Variants in TNFSF4 observed in about 807,000 individuals in gnomAD.
The protein encoded by TNFSF4 is tumor necrosis factor ligand superfamily member 4.
A neutral mutation model predicts 7.3 loss-of-function variants in TNFSF4; 4 were observed. That is an observed-to-expected ratio of 0.55 (90% CI 0.27 to 1.25). TNFSF4 has a LOEUF of 1.25. Among genes scored for constraint, TNFSF4 ranks in the 50% most tolerant of loss-of-function variants. TNFSF4 has a pLI of 0.12. For synonymous variants in TNFSF4, 76 were observed against 83.7 expected, an observed-to-expected ratio of 0.91 and a Z score of 0.50; for missense variants, 181 against 208.8, an observed-to-expected ratio of 0.87 and a Z score of 0.82.
At chr1:173,353,471 A>T in the TNFSF4 span, among the ~76,000 whole-genome samples, 1 of 152,182 alleles carries the variant, frequency 6.6e-6, no homozygotes, top group African/African-American at 2.4e-5. Context: ...GTGCGTGTGC[A>T]TGTGTGTATG....
chr1:173,253,145 C>T, the TNFSF4 span, among the ~76,000 whole-genome samples: 1 of 152,190 alleles, frequency 6.6e-6, no homozygotes, highest in South Asian at 2.1e-4. Flanking sequence ...TTTAGACCTT[C>T]TCTCATAGGC....
At chr1:173,346,002 G>A in the TNFSF4 span, among the ~76,000 whole-genome samples, 3 of 152,172 alleles carry the variant, frequency 2.0e-5, no homozygotes, top group African/African-American at 7.2e-5. Flanking sequence ...TTTGGGTAGG[G>A]AGGATTTAAC....
chr1:173,189,277 G>C (rs1649371694), intron 1 of TNFSF4, among the ~76,000 whole-genome samples: 1 of 152,186 alleles, frequency 6.6e-6, no homozygotes, highest in African/African-American at 2.4e-5. Context: ...CATGGAGAAT[G>C]CTGGTTCAAT....
chr1:173,257,222 C>T, the TNFSF4 span, among the ~76,000 whole-genome samples: 153 of 152,322 alleles, frequency 1.0e-3, no homozygotes, highest in African/African-American at 2.9e-3. Flanking sequence ...TTGTATGATG[C>T]GGATTCTGAT....
At chr1:173,362,548 A>G in the TNFSF4 span, 1 of 539,270 alleles carries the variant, frequency 1.9e-6, no homozygotes, top group South Asian at 1.4e-5. Flanking sequence ...CCTTCCCACT[A>G]ATGCCTCCGA....
At chr1:173,346,834 G>T in the TNFSF4 span, among the ~76,000 whole-genome samples, 1 of 152,252 alleles carries the variant, frequency 6.6e-6, no homozygotes, top group East Asian at 1.9e-4. Context: ...ACCAGAATGT[G>T]TTGTGCATCA....
chr1:173,245,110 C>T, the TNFSF4 span, among the ~76,000 whole-genome samples: 1 of 151,676 alleles, frequency 6.6e-6, no homozygotes, highest in Non-Finnish European at 1.5e-5. Flanking sequence ...AGGGTACCAC[C>T]ACACCTTCAA....
the TNFSF4 span, among the ~76,000 whole-genome samples, chr1:173,261,129 G>C: frequency 1.3e-5 from 2 of 152,066 alleles, no homozygotes; most frequent in African/African-American, 4.8e-5. Context: ...CTGAAATTAT[G>C]ACAAATAGTC....
the TNFSF4 span, among the ~76,000 whole-genome samples, chr1:173,419,126 T>G: frequency 1.3e-5 from 2 of 151,988 alleles, no homozygotes; most frequent in South Asian, 4.2e-4. Flanking sequence ...GATCACGAGG[T>G]CAGGAGATCG....
At chr1:173,198,264 CTAA>C (rs1445584441) in intron 1 of TNFSF4, among the ~76,000 whole-genome samples, 6 of 152,310 alleles carry the variant, frequency 3.9e-5, no homozygotes, top group Admixed American at 3.9e-4. Flanking sequence ...TCCTCAGCTT[CTAA>C]TATTCTCATT....
At chr1:173,361,238 T>A in the TNFSF4 span, among the ~76,000 whole-genome samples, 96,701 of 152,016 alleles carry the variant, frequency 0.64, 30,898 homozygotes, top group Admixed American at 0.69. Flanking sequence ...ATCTACAAAT[T>A]TGGACCAGAG....
In TNFSF4 at chr1:173,188,551, G is replaced by A; in HGVS notation, c.172C>T (p.Arg58Ter). The change falls in exon 2 of 3, where the codon CGA becomes TGA. Residue 58 changes from arginine to a stop codon, truncating the protein, a stop_gained. Coordinates refer to ENST00000281834, the MANE Select transcript of TNFSF4 (RefSeq NM_003326.5). LOFTEE classifies it low-confidence loss of function (END_TRUNC). ...SALQVSHRYP[R>*]IQSIKVQFTE... is the part of the protein sequence containing the mutation. ...AATTGTACTTTGATACTTTGAATTC[G>A]AGGATACCGATGTGATACCTGAGGG... The A allele has an allele frequency of 1.2e-6, 2 of 1,612,270 alleles. No homozygotes were observed. The highest frequency in any genetic ancestry group is 1.7e-6 in the Non-Finnish European group (2 of 1,178,552).
chr1:173,188,808 G>A (rs1649347014), intron 1 of TNFSF4, among the ~76,000 whole-genome samples: 1 of 152,020 alleles, frequency 6.6e-6, no homozygotes, highest in East Asian at 1.9e-4. Flanking sequence ...CGCCTCCCTG[G>A]GCTCAGTGAT....
chr1:173,228,546 C>T, the TNFSF4 span, among the ~76,000 whole-genome samples: 13 of 152,262 alleles, frequency 8.5e-5, no homozygotes, highest in African/African-American at 3.1e-4. Flanking sequence ...AGGAACACAG[C>T]TCCTCGCCAG....
the TNFSF4 span, among the ~76,000 whole-genome samples, chr1:173,444,293 C>T: frequency 3.9e-5 from 6 of 152,108 alleles, no homozygotes; most frequent in African/African-American, 4.8e-5. Context: ...CACACACACA[C>T]GTATCTGTAC....
the TNFSF4 span, among the ~76,000 whole-genome samples, chr1:173,396,909 T>C: frequency 6.6e-6 from 1 of 152,322 alleles, no homozygotes; most frequent in Middle Eastern, 3.4e-3. Flanking sequence ...CTCTTCTCTG[T>C]AGGCCACACC....
chr1:173,217,737 T>A, the TNFSF4 span, among the ~76,000 whole-genome samples: 1 of 152,198 alleles, frequency 6.6e-6, no homozygotes, highest in African/African-American at 2.4e-5. Context: ...TTTCTTTCAA[T>A]TTTTTTGATA....
chr1:173,440,381 T>G, the TNFSF4 span: 1 of 152,210 alleles, frequency 6.6e-6, no homozygotes, highest in Admixed American at 6.5e-5. Flanking sequence ...CCAGATTGTT[T>G]TAGCCTTTTC....
At chr1:173,270,987 A>G in the TNFSF4 span, among the ~76,000 whole-genome samples, 10 of 152,114 alleles carry the variant, frequency 6.6e-5, no homozygotes, top group Non-Finnish European at 1.3e-4. Context: ...TTATTTCTCA[A>G]CGTAAGCTGC....
Sources: allele counts gnomAD v4.1 joint callset (sites outside exome capture counted in the v4.1 genomes callset), GRCh38; gene constraint gnomAD v4.1.1; transcripts MANE v1.5; gene names NCBI Gene and HGNC (gene_info 2026-07-23, HGNC 2026-07-21).